Variants in BCAS3 observed in about 807,000 individuals in gnomAD.
The protein encoded by BCAS3 is BCAS3 microtubule associated cell migration factor.
In BCAS3, 53 loss-of-function variants were observed where a neutral mutation model predicts 116.1. The observed-to-expected ratio is 0.46, with a 90% CI of 0.37 to 0.57. BCAS3 has a LOEUF of 0.57. Ranked by LOEUF, BCAS3 falls within the 20% of genes least tolerant of loss-of-function variation. The pLI is 0.00. For synonymous variants in BCAS3, 391 were observed against 408.2 expected, an observed-to-expected ratio of 0.96 and a Z score of 0.51; for missense variants, 917 against 1,165.4, an observed-to-expected ratio of 0.79 and a Z score of 3.10.
intron 7 of BCAS3, among the ~76,000 whole-genome samples, chr17:60,817,091 A>G (rs2144665551): frequency 6.6e-6 from 1 of 152,328 alleles, no homozygotes. Flanking sequence ...TAATAAATAC[A>G]TTGCCCCAGC....
chr17:61,291,007 C>A (rs1245177570), intron 22 of BCAS3, among the ~76,000 whole-genome samples: 1 of 152,156 alleles, frequency 6.6e-6, no homozygotes, highest in Non-Finnish European at 1.5e-5. Flanking sequence ...ATCTCGATCT[C>A]CTGACCTCAT....
chr17:61,299,466 AGAAAAG>A (rs1209515877), intron 22 of BCAS3, among the ~76,000 whole-genome samples: 1 of 136,582 alleles, frequency 7.3e-6, no homozygotes, highest in Non-Finnish European at 1.6e-5. Flanking sequence ...AAAAAAAAAA[AGAAAAG>A]AAAAAAGATG....
At chr17:61,237,765 T>C (rs1024159449) in intron 22 of BCAS3, among the ~76,000 whole-genome samples, 1 of 152,210 alleles carries the variant, frequency 6.6e-6, no homozygotes, top group African/African-American at 2.4e-5. Flanking sequence ...ACGATTGAAA[T>C]CTGGACTGAC....
At position 61,278,000 on chromosome 17, in the gene BCAS3, GA is replaced by G. The variant is rs2050913810; in HGVS notation, c.2426-90324del. On this transcript the variant is annotated intron_variant, in intron 22 of 23. Transcript: ENST00000407086. ...TCCACACCCAGGTGTATACCCAAAA[GA>G]AATGAAAACATACCCACACAAAAAA... Among the ~76,000 whole-genome samples the G allele has an allele frequency of 2.6e-5, 4 of 152,176 alleles. No individual in the cohort carries two copies. In the South Asian group the frequency reaches 8.3e-4, roughly 32 times the overall value.
rs1396062810 is a variant in BCAS3, at chr17:60,690,122, G to A, written c.214+361G>A. Among the ~76,000 whole-genome samples, 5 of 152,200 alleles carry A rather than the reference G, an allele frequency of 3.3e-5. No individual in the cohort carries two copies. In the South Asian group the frequency reaches 1.0e-3, roughly 32 times the overall value. ...GTTGAACTTTCTTGGCTTGAAAATT[G>A]TTTTTTTCTGAACAGAATTTTATGC... On this transcript the variant is annotated intron_variant, in intron 4 of 23. Coordinates refer to ENST00000407086, the MANE Select transcript of BCAS3 (RefSeq NM_017679.5).
rs1047678162 is a variant in BCAS3, at chr17:61,361,865, C to T, written c.2426-6462C>T. ...AGGGCAGGAATTAGTGTCCTAACTC[C>T]GACAGAGAGAACAAATTTGCCTTTC... On this transcript the variant is annotated intron_variant, in intron 22 of 23. Coordinates refer to ENST00000407086, the MANE Select transcript of BCAS3 (RefSeq NM_017679.5). The surrounding 1 kb of genome is among the most constrained non-coding windows in gnomAD (Gnocchi z 6.5). 4.6e-5 allele frequency: 7 copies of T among 152,118 alleles called. No homozygotes were observed. Among genetic ancestry groups the T allele is most frequent in the African/African-American group, 7.2e-5 (3 of 41,394 alleles). The allele number at this position is 152,118 out of a possible 1,614,324, so 9.4% of individuals were successfully genotyped here.
chr17:60,976,020 C>CTTTTTT (rs755966067), intron 14 of BCAS3, among the ~76,000 whole-genome samples: 79,193 of 98,120 alleles, frequency 0.81, 34,691 homozygotes, highest in South Asian at 0.91. Flanking sequence ...TAGATTTTTG[C>CTTTTTT]TTTTTTTTTT....
intron 6 of BCAS3, among the ~76,000 whole-genome samples, chr17:60,752,581 G>T (rs2042584374): frequency 6.6e-6 from 1 of 151,910 alleles, no homozygotes; most frequent in Admixed American, 6.6e-5. Context: ...CCTCCACCAT[G>T]CCTGGCTAAT....
At chr17:60,696,124 C>A (rs114794960) in intron 4 of BCAS3, among the ~76,000 whole-genome samples, 114 of 152,222 alleles carry the variant, frequency 7.5e-4, no homozygotes, top group African/African-American at 2.6e-3. Context: ...ATTAGGAGAT[C>A]CAGATGGCTC....
At chr17:60,799,524 G>GTTTTTTTTTTTTTTTT (rs869112996) in intron 6 of BCAS3, among the ~76,000 whole-genome samples, 2 of 102,382 alleles carry the variant, frequency 2.0e-5, no homozygotes, top group African/African-American at 7.4e-5. Flanking sequence ...ATTAGTGTTT[G>GTTTTTTTTTTTTTTTT]TTTTTTTTTT....
intron 14 of BCAS3, among the ~76,000 whole-genome samples, chr17:60,974,286 G>A (rs2145362266): frequency 6.6e-6 from 1 of 152,276 alleles, no homozygotes; most frequent in South Asian, 2.1e-4. Flanking sequence ...ATGCTGAAAT[G>A]TAGTAACATT....
At chr17:61,206,883 A>C (rs1041120219) in intron 22 of BCAS3, among the ~76,000 whole-genome samples, 47 of 149,878 alleles carry the variant, frequency 3.1e-4, no homozygotes, top group Non-Finnish European at 6.5e-4. Context: ...GATCCAATCA[A>C]GTTGTTTTGT....
At chr17:61,267,150 C>T (rs973939791) in intron 22 of BCAS3, among the ~76,000 whole-genome samples, 4 of 151,964 alleles carry the variant, frequency 2.6e-5, no homozygotes, top group African/African-American at 9.7e-5. Flanking sequence ...CTCCGCCTCC[C>T]GGGTTCACGC....
rs2143875469 is a variant in BCAS3, at chr17:61,132,113, C to T, written c.2425+47549C>T. ...ATTTTAAAATTCTTCAGACTTGACACTTGCCTAATTTCTCAGATCATTAAA... is the reference window on the plus strand; with the variant it reads ...ATTTTAAAATTCTTCAGACTTGACATTTGCCTAATTTCTCAGATCATTAAA... On this transcript the variant is annotated intron_variant, in intron 22 of 23. Transcript: ENST00000407086. The surrounding 1 kb of genome is among the most constrained non-coding windows in gnomAD (Gnocchi z 5.1). Among the ~76,000 whole-genome samples the T allele has an allele frequency of 6.6e-6, 1 of 152,294 alleles. No homozygotes were observed. Among genetic ancestry groups the T allele is most frequent in the East Asian group, 1.9e-4 (1 of 5,182 alleles).
At chr17:61,169,025 C>T (rs997135873) in intron 22 of BCAS3, among the ~76,000 whole-genome samples, 1 of 152,088 alleles carries the variant, frequency 6.6e-6, no homozygotes, top group African/African-American at 2.4e-5. Flanking sequence ...AATGAATCAT[C>T]CAAAAATCAT....
intron 6 of BCAS3, among the ~76,000 whole-genome samples, chr17:60,802,868 C>T (rs1420153982): frequency 2.0e-5 from 3 of 152,140 alleles, no homozygotes; most frequent in South Asian, 2.1e-4. Context: ...ACCTCCGCCT[C>T]GGCCTCCTAA....
chr17:60,704,934 C>T (rs2036917622), intron 4 of BCAS3, among the ~76,000 whole-genome samples: 1 of 151,932 alleles, frequency 6.6e-6, no homozygotes, highest in Non-Finnish European at 1.5e-5. Flanking sequence ...GTCTACTTGC[C>T]CCCAGACACG....
chr17:61,351,257 G>A (rs984832687), intron 22 of BCAS3, among the ~76,000 whole-genome samples: 1 of 152,156 alleles, frequency 6.6e-6, no homozygotes, highest in Non-Finnish European at 1.5e-5. Flanking sequence ...TATTGTAAAG[G>A]CATTGCTGGT....
chr17:60,857,299 C>T (rs1414208373), intron 7 of BCAS3, among the ~76,000 whole-genome samples: 2 of 152,152 alleles, frequency 1.3e-5, no homozygotes, highest in Non-Finnish European at 2.9e-5. Context: ...TATTTGCTTA[C>T]AGTAGATTCA....
Sources: allele counts gnomAD v4.1 joint callset (sites outside exome capture counted in the v4.1 genomes callset), GRCh38; gene constraint gnomAD v4.1.1; non-coding constraint Gnocchi (gnomAD v3.1); transcripts MANE v1.5; gene names NCBI Gene and HGNC (gene_info 2026-07-23, HGNC 2026-07-21).